The following DSC1 variants were observed in gnomAD, a reference collection of about 807,000 sequenced individuals.
DSC1 encodes desmocollin 1, also known as desmocollin-1.
A neutral mutation model predicts 98.8 loss-of-function variants in DSC1; 79 were observed. That is an observed-to-expected ratio of 0.80 (90% CI 0.67 to 0.96). The LOEUF (loss-of-function observed/expected upper bound fraction) is 0.96, where lower values mean the gene tolerates loss of function less well. DSC1 is among the 50% of genes least tolerant of loss of function. The pLI is 0.00. For synonymous variants in DSC1, 405 were observed against 372.1 expected, an observed-to-expected ratio of 1.09 and a Z score of -1.02; for missense variants, 1,115 against 1,075.9, an observed-to-expected ratio of 1.04 and a Z score of -0.51.
intron 8 of DSC1, among the ~76,000 whole-genome samples, chr18:31,142,405 C>T (rs1988756889): frequency 6.6e-6 from 1 of 152,132 alleles, no homozygotes; most frequent in African/African-American, 2.4e-5. Context: ...CAAGTCTTAT[C>T]TTCTGAACTT....
In DSC1 at chr18:31,143,581, C is replaced by A. The variant is rs1259360778; in HGVS notation, c.1074+76G>T. The A allele has an allele frequency of 1.6e-5, 19 of 1,222,492 alleles. No individual in the cohort carries two copies. In the East Asian group the frequency reaches 5.2e-4, roughly 33 times the overall value. 75.7% of individuals were successfully genotyped at this position (1,222,492 alleles called of 1,614,324 possible). ...CAAACTGTCAAACTTTGTGATCTCA[C>A]AGAGCTACCAAATTCTAGACATGTT... On this transcript the variant is annotated intron_variant, in intron 8 of 15. Coordinates refer to ENST00000257198, the MANE Select transcript of DSC1 (RefSeq NM_024421.2).
At chr18:31,139,686 C>A in intron 11 of DSC1, 62 bp downstream of exon 11, 5 of 1,424,638 alleles carry the variant, frequency 3.5e-6, no homozygotes, top group Non-Finnish European at 4.7e-6. Flanking sequence ...CAGATTTCAC[C>A]ACAAGGTTTC....
At chr18:31,132,878 A>T (rs1988527335) in intron 13 of DSC1, among the ~76,000 whole-genome samples, 189 bp from the exon 14 acceptor site, 1 of 152,190 alleles carries the variant, frequency 6.6e-6, no homozygotes, top group South Asian at 2.1e-4. Context: ...GATTAATAAT[A>T]GCTCTCTTCC....
chr18:31,155,671 A>C (rs917863665), intron 4 of DSC1, among the ~76,000 whole-genome samples: 6 of 152,184 alleles, frequency 3.9e-5, no homozygotes, highest in African/African-American at 1.4e-4. Flanking sequence ...GGTAAGCAGA[A>C]ATACAGGTCA....
chr18:31,155,917 G>T, intron 4 of DSC1, 126 bp downstream of exon 4: 1 of 999,478 alleles, frequency 1.0e-6, no homozygotes, highest in Non-Finnish European at 1.4e-6. Context: ...TAGTTCTGGT[G>T]AATAGATGAT....
In DSC1 at chr18:31,134,696, A is replaced by G; in HGVS notation, c.1752T>C (p.Cys584=). 1 of 1,613,192 alleles carries G rather than the reference A, an allele frequency of 6.2e-7. No individual in the cohort carries two copies. Among genetic ancestry groups the G allele is most frequent in the Non-Finnish European group, 8.5e-7 (1 of 1,179,522 alleles). ...APQIDKEVTI[C]QNNEDFAVLK... Reference sequence around the variant, plus strand: ...GAACAGCAAAATCCTCATTATTCTGACAAATGGTCACTTCTTTGTCAATTT... The same window carrying G: ...GAACAGCAAAATCCTCATTATTCTGGCAAATGGTCACTTCTTTGTCAATTT... The change falls in exon 12 of 16, where the codon TGT becomes TGC. Residue 584 remains cysteine (C), a synonymous_variant. Transcript: ENST00000257198.
At chr18:31,152,035 G>A (rs767687728) in intron 5 of DSC1, among the ~76,000 whole-genome samples, 3 of 151,928 alleles carry the variant, frequency 2.0e-5, no homozygotes, top group South Asian at 2.1e-4. Flanking sequence ...GGTGGTGGGC[G>A]CCTGTAATCC....
In DSC1 at chr18:31,154,659, T is replaced by A. The variant is rs957624740; in HGVS notation, c.627+115A>T. 1.9e-5 allele frequency: 19 copies of A among 980,124 alleles called. No individual in the cohort carries two copies. In the African/African-American group the frequency reaches 3.0e-4, roughly 15 times the overall value. The allele number at this position is 980,124 out of a possible 1,614,324, so 60.7% of individuals were successfully genotyped here. ...TTAAAGTTTATATTGCATATTAATA[T>A]CTTGAATATTAAATCAAATAATTGA... is the stretch of plus-strand genomic sequence containing the variant. On this transcript the variant is annotated intron_variant, in intron 5 of 15. Coordinates refer to ENST00000257198, the MANE Select transcript of DSC1 (RefSeq NM_024421.2).
In DSC1 at chr18:31,145,791, T is replaced by C; in HGVS notation, c.773-14A>G. 6.3e-7 allele frequency: 1 copy of C among 1,597,776 alleles called. No homozygotes were observed. The highest frequency in any genetic ancestry group is 8.5e-7 in the Non-Finnish European group (1 of 1,174,248). ...CCACTGAAGTTCCTGTTTAGATAAATCCAAAAGTGTCAAAAATTTCTACTC... is the reference window on the plus strand; with the variant it reads ...CCACTGAAGTTCCTGTTTAGATAAACCCAAAAGTGTCAAAAATTTCTACTC... On this transcript the variant is annotated splice_polypyrimidine_tract_variant and intron_variant, in intron 6 of 15. Coordinates refer to ENST00000257198, the MANE Select transcript of DSC1 (RefSeq NM_024421.2).
chr18:31,136,720 T>C (rs983169923), intron 11 of DSC1, among the ~76,000 whole-genome samples: 6 of 152,198 alleles, frequency 3.9e-5, no homozygotes, highest in African/African-American at 1.4e-4. Flanking sequence ...TTATAATGTT[T>C]CAAGAAAGTT....
Position 31,134,692 on chromosome 18 carries a change from T to C in DSC1, c.1756A>G (p.Asn586Asp). ...QIDKEVTICQ[N>D]NEDFAVLKPV... ...TTCAGAACAGCAAAATCCTCATTAT[T>C]CTGACAAATGGTCACTTCTTTGTCA... Residue 586 changes from asparagine (N) to aspartate (D), a missense_variant, in exon 12 of 16, where the codon AAT becomes GAT. Coordinates refer to ENST00000257198, the MANE Select transcript of DSC1 (RefSeq NM_024421.2). 1 of 1,613,256 alleles carries C rather than the reference T, an allele frequency of 6.2e-7. No individual in the cohort carries two copies.
chr18:31,154,786 A>T lies in DSC1; in HGVS notation c.615T>A (p.Tyr205Ter). Residue 205 changes from tyrosine (Y) to a stop codon, truncating the protein, a stop_gained, in exon 5 of 16, where the codon TAT becomes TAA. Coordinates refer to ENST00000257198, the MANE Select transcript of DSC1 (RefSeq NM_024421.2). LOFTEE classifies it high-confidence loss of function. Reference sequence around the variant, plus strand: ...TCAATAATCCTACCGCAAACTGTTCATATTTCTCACGGTCAATGCTCCTTG... The same window carrying T: ...TCAATAATCCTACCGCAAACTGTTCTTATTTCTCACGGTCAATGCTCCTTG... ...FCTRSIDREK[Y>*]EQFALYGYAT... 2 of 1,610,022 alleles carry T rather than the reference A, an allele frequency of 1.2e-6. No individual in the cohort carries two copies. Among genetic ancestry groups the T allele is most frequent in the Non-Finnish European group, 1.7e-6 (2 of 1,178,176 alleles).
At chr18:31,162,195 T>C (rs1463790710) in intron 1 of DSC1, among the ~76,000 whole-genome samples, 1 of 152,214 alleles carries the variant, frequency 6.6e-6, no homozygotes, top group Non-Finnish European at 1.5e-5. Flanking sequence ...TAATCACTGG[T>C]AGCAGAAGTA....
chr18:31,130,498 C>T lies in DSC1; in HGVS notation c.*16G>A, dbSNP rs1988460246. ...TACTTATGCATCTGTGGATATTACA[C>T]TATTAAAAGGCACATTTATTTCTTG... On this transcript the variant is annotated 3_prime_UTR_variant, in exon 16 of 16. Transcript: ENST00000257198. The T allele has an allele frequency of 2.5e-6, 4 of 1,613,604 alleles. No individual in the cohort carries two copies. The highest frequency in any genetic ancestry group is 1.7e-4 in the Middle Eastern group (1 of 6,052).
At chr18:31,143,083 G>A (rs1418821663) in intron 8 of DSC1, among the ~76,000 whole-genome samples, 1 of 151,680 alleles carries the variant, frequency 6.6e-6, no homozygotes, top group African/African-American at 2.4e-5. Flanking sequence ...ACCATTTCCT[G>A]AAACTATTGT....
chr18:31,150,143 A>G (rs202197975), intron 5 of DSC1, among the ~76,000 whole-genome samples: 15,150 of 74,290 alleles, frequency 0.2, 884 homozygotes, highest in Middle Eastern at 0.29. Flanking sequence ...TATCACCATT[A>G]TCATCGCAAT....
intron 10 of DSC1, 22 bp downstream of exon 10, chr18:31,140,020 A>G (rs774630296): frequency 4.4e-5 from 69 of 1,584,852 alleles, no homozygotes; most frequent in Non-Finnish European, 5.9e-5. Flanking sequence ...AAAATTAAGG[A>G]GCTTTTTGAA....
At chr18:31,139,008 A>G (rs981267260) in intron 11 of DSC1, among the ~76,000 whole-genome samples, 3 of 152,054 alleles carry the variant, frequency 2.0e-5, no homozygotes, top group Admixed American at 6.6e-5. Context: ...TATGTTTTGT[A>G]TATTTTTATG....
At position 31,143,723 on chromosome 18, in the gene DSC1, A is replaced by G. The variant is rs1297407716; in HGVS notation, c.1008T>C (p.Asn336=). 1.2e-6 allele frequency: 2 copies of G among 1,604,086 alleles called. No homozygotes were observed. The highest frequency in any genetic ancestry group is 8.5e-7 in the Non-Finnish European group (1 of 1,174,666). ...DMGGQPFGLF[N]TGTITISLED... The stretch of plus-strand genomic sequence containing the variant: ...CAAGTGAAATAGTAATTGTTCCTGT[A>G]TTAAATAAACCGAAAGGCTGACCAC... Residue 336 remains asparagine, a synonymous_variant, in exon 8 of 16, where the codon AAT becomes AAC. Transcript: ENST00000257198.
Sources: gnomAD v4.1 joint callset for allele counts (sites outside exome capture counted in the v4.1 genomes callset) on GRCh38, gnomAD v4.1.1 for gene constraint, MANE v1.5 for transcripts, NCBI Gene and HGNC (gene_info 2026-07-23, HGNC 2026-07-21) for gene names.